Variants in FBXW5 observed in about 807,000 individuals in gnomAD.
FBXW5 encodes the protein F-box/WD repeat-containing protein 5.
A neutral mutation model predicts 50.9 loss-of-function variants in FBXW5; 74 were observed. The observed-to-expected ratio is 1.45, with a 90% CI of 1.20 to 1.76. The LOEUF (loss-of-function observed/expected upper bound fraction) is 1.76. FBXW5 is among the 40% of genes most tolerant of loss of function. FBXW5 has a pLI of 0.00. For synonymous variants in FBXW5, 523 were observed against 362.2 expected, an observed-to-expected ratio of 1.44 and a Z score of -5.04; for missense variants, 1,073 against 818.8, an observed-to-expected ratio of 1.31 and a Z score of -3.79.
In FBXW5 at chr9:136,940,917, C is replaced by T. The variant is rs1360287331; in HGVS notation, c.*11G>A. 6.3e-7 allele frequency: 1 copy of T among 1,577,050 alleles called. No individual in the cohort carries two copies. Among genetic ancestry groups the T allele is most frequent in the Admixed American group, 1.8e-5 (1 of 56,722 alleles). The stretch of plus-strand genomic sequence containing the variant: ...AAGGGGTCCCGGTGGCTCCAGTGCA[C>T]CCAGCACACCTCAGCGCCTCTGGCT... On this transcript the variant is annotated 3_prime_UTR_variant, in exon 9 of 9. Coordinates refer to ENST00000325285, the MANE Select transcript of FBXW5 (RefSeq NM_018998.4).
Position 136,942,599 on chromosome 9 carries a change from C to G in FBXW5, c.623G>C (p.Arg208Pro), listed in dbSNP as rs147650693. 3.7e-6 allele frequency: 6 copies of G among 1,610,920 alleles called. No individual in the cohort carries two copies. Among genetic ancestry groups the G allele is most frequent in the Non-Finnish European group, 5.1e-6 (6 of 1,179,218 alleles). Reference sequence around the variant, plus strand: ...CGAGCAGGAGGTGATATCTCCGATGCGGTGCAGGTTCCCCGAGATGAGGCT... The same window carrying G: ...CGAGCAGGAGGTGATATCTCCGATGGGGTGCAGGTTCCCCGAGATGAGGCT... ...ETSLISGNLH[R>P]IGDITSCSVL... Residue 208 changes from arginine to proline, a missense_variant, in exon 5 of 9, where the codon CGC becomes CCC. Transcript: ENST00000325285.
In FBXW5 at chr9:136,943,423, C is replaced by G; in HGVS notation, c.277G>C (p.Asp93His). 6.2e-7 allele frequency: 1 copy of G among 1,612,920 alleles called. No individual in the cohort carries two copies. The highest frequency in any genetic ancestry group is 8.5e-7 in the Non-Finnish European group (1 of 1,179,976). The change falls in exon 3 of 9, where the codon GAC becomes CAC. Residue 93 changes from aspartate to histidine, a missense_variant. Physicochemically the swap from Asp to His is moderately conservative, Grantham distance 81 (BLOSUM62 -1). Transcript: ENST00000325285. ...GAGAAGCTGAGGTGCAGGACCTGGT[C>G]TGTGTGTTCCCGCAGCGTCTGCACC... The part of the protein sequence containing the change: ...VEVQTLREHT[D>H]QVLHLSFSHS...
chr9:136,942,730 G>C (rs749150527), intron 4 of FBXW5, 35 bp from the exon 5 acceptor site: 1 of 1,610,504 alleles, frequency 6.2e-7, no homozygotes, highest in Non-Finnish European at 8.5e-7. Context: ...GGCTGTCGGC[G>C]TGGGGCGGGG....
Position 136,943,243 on chromosome 9 carries a change from G to A in FBXW5, c.351+106C>T. Reference sequence around the variant, plus strand: ...GGGAGGCTGCTGTCACCTCTGGCCTGACCCACCCCCCCCCCCACCACCACC... The same window carrying A: ...GGGAGGCTGCTGTCACCTCTGGCCTAACCCACCCCCCCCCCCACCACCACC... On this transcript the variant is annotated intron_variant, in intron 3 of 8. Transcript: ENST00000325285. The A allele has an allele frequency of 1.7e-6, 2 of 1,176,300 alleles. 1 individual carries two copies. Among genetic ancestry groups the A allele is most frequent in the Non-Finnish European group, 2.4e-6 (2 of 845,830 alleles). The allele number at this position is 1,176,300 out of a possible 1,614,324, so 72.9% of individuals were successfully genotyped here.
At position 136,942,547 on chromosome 9, in the gene FBXW5, C is replaced by T. The variant is rs746302217; in HGVS notation, c.675G>A (p.Gln225=). The T allele has an allele frequency of 6.2e-7, 1 of 1,610,558 alleles. No homozygotes were observed. The highest frequency in any genetic ancestry group is 1.3e-5 in the African/African-American group (1 of 74,866). ...CSVLWLNNAF[Q]DVESENVNVV... is the part of the protein sequence containing the mutation. ...GCCCCGCCCCTAGCCCCGCACGCAC[C>T]TGGAAGGCATTGTTGAGCCACAGCA... Residue 225 remains glutamine (Q), a splice_region_variant and synonymous_variant, in exon 5 of 9, where the codon CAG becomes CAA. Coordinates refer to ENST00000325285, the MANE Select transcript of FBXW5 (RefSeq NM_018998.4).
chr9:136,944,506 G>T (rs1434352503), intron 1 of FBXW5, 88 bp downstream of exon 1: 3 of 984,502 alleles, frequency 3.0e-6, no homozygotes, highest in Middle Eastern at 5.2e-4. Context: ...GCGGGGACGA[G>T]CGCACGGGCG....
intron 1 of FBXW5, 22 bp downstream of exon 1, chr9:136,944,572 C>G (rs895121969): frequency 4.6e-5 from 45 of 983,760 alleles, no homozygotes; most frequent in Non-Finnish European, 5.3e-5. Flanking sequence ...GCGGGACCCC[C>G]GAGGGCCGCA....
rs369228478 is a variant in FBXW5, at chr9:136,942,283, C to T, written c.859G>A (p.Glu287Lys). Residue 287 changes from glutamate to lysine, a missense_variant, in exon 6 of 9, where the codon GAG (glutamate) becomes AAG (lysine). By Grantham distance (56) the Glu-to-Lys change is moderately conservative. Transcript: ENST00000325285. ...GGGGCCGGGCCAGCCACCACCTCCT[C>T]GTTGTCGCTGCCCAGGTCAAAGATG... ...CRIFDLGSDN[E>K]EVVAGPAPAH... The T allele has an allele frequency of 1.7e-5, 27 of 1,586,352 alleles. No individual in the cohort carries two copies. The African/African-American group carries it at 2.0e-4, about 12-fold the overall frequency.
chr9:136,940,864 A>G lies in FBXW5; in HGVS notation c.*64T>C. The G allele has an allele frequency of 3.9e-6, 6 of 1,528,772 alleles. No homozygotes were observed. Among genetic ancestry groups the G allele is most frequent in the Non-Finnish European group, 5.3e-6 (6 of 1,139,334 alleles). 94.7% of individuals were successfully genotyped at this position (1,528,772 alleles called of 1,614,324 possible). ...GCATCTCCACCTCTCCCGCTCGGGA[A>G]AAAGCCACAGAGCCTGGCGATGTCC... On this transcript the variant is annotated 3_prime_UTR_variant, in exon 9 of 9. Transcript: ENST00000325285.
rs370227114 is a variant in FBXW5, at chr9:136,941,239, C to T, written c.1457+12G>A. The T allele has an allele frequency of 9.4e-5, 151 of 1,601,986 alleles. 1 individual carries two copies. The East Asian group carries it at 9.6e-4, about 10-fold the overall frequency. On this transcript the variant is annotated intron_variant, in intron 8 of 8. Coordinates refer to ENST00000325285, the MANE Select transcript of FBXW5 (RefSeq NM_018998.4). ...TGCCCACACCCGCCCTGCACCACGC[C>T]GCGCCCTGCACCTGGCCACGAAGTC...
Position 136,942,594 on chromosome 9 carries a change from C to T in FBXW5, c.628G>A (p.Gly210Arg), listed in dbSNP as rs377379004. 4.0e-5 allele frequency: 65 copies of T among 1,611,258 alleles called. 1 individual carries two copies. Among genetic ancestry groups the T allele is most frequent in the African/African-American group, 4.0e-4 (30 of 74,988 alleles). ...SLISGNLHRI[G>R]DITSCSVLWL... ...AGCACCGAGCAGGAGGTGATATCTC[C>T]GATGCGGTGCAGGTTCCCCGAGATG... is the stretch of plus-strand genomic sequence containing the variant. The change falls in exon 5 of 9, where the codon GGA becomes AGA. Residue 210 changes from glycine (G) to arginine (R), a missense_variant. Coordinates refer to ENST00000325285, the MANE Select transcript of FBXW5 (RefSeq NM_018998.4).
rs763286137 is a variant in FBXW5 at position 136,942,327 on chromosome 9, G to A, written c.815C>T (p.Pro272Leu). The A allele has an allele frequency of 1.1e-5, 17 of 1,600,032 alleles. No individual in the cohort carries two copies. Among genetic ancestry groups the A allele is most frequent in the African/African-American group, 4.0e-5 (3 of 74,710 alleles). The change falls in exon 6 of 9, where the codon CCG becomes CTG. Residue 272 changes from proline (P) to leucine (L), a missense_variant. Transcript: ENST00000325285. ...SPDLLLEAGD[P>L]ATSPCRIFDL... ...AAAGATGCGGCAGGGGGACGTGGCC[G>A]GGTCACCGGCTTCCAGCAGCAGGTC... is the stretch of plus-strand genomic sequence containing the variant.
In FBXW5 at chr9:136,943,963, G is replaced by A; in HGVS notation, c.121C>T (p.Arg41Trp). 1 of 1,566,012 alleles carries A rather than the reference G, an allele frequency of 6.4e-7. No homozygotes were observed. The highest frequency in any genetic ancestry group is 8.6e-7 in the Non-Finnish European group (1 of 1,156,728). ...LVCRQWQAVS[R>W]DEFLWREQFY... ...TGCTCCCTCCACAGGAACTCGTCCC[G>A]CGACACGGCCTGCCATTGGCGGCAC... Residue 41 changes from arginine (R) to tryptophan (W), a missense_variant, in exon 2 of 9, where the codon CGG becomes TGG. Physicochemically the swap from Arg to Trp is moderately radical, Grantham distance 101. Transcript: ENST00000325285.
rs1391559510 is a variant in FBXW5 at position 136,944,639 on chromosome 9, G to A, written c.-69C>T. ...GCGCCGCCCCCGCCCTGCGCGACCC[G>A]GACCCGCTTCCGCTGCCGCAGCCGC... On this transcript the variant is annotated 5_prime_UTR_variant, in exon 1 of 9. Transcript: ENST00000325285. 2 of 984,890 alleles carry A rather than the reference G, an allele frequency of 2.0e-6. No homozygotes were observed. The highest frequency in any genetic ancestry group is 3.5e-5 in the African/African-American group (2 of 57,076). The allele number at this position is 984,890 out of a possible 1,614,324, so 61.0% of individuals were successfully genotyped here. A position where few individuals can be genotyped will look rare whatever the true frequency, so the allele number is the denominator to read the frequency against.
chr9:136,941,856 C>T (rs1408835402), intron 6 of FBXW5, 172 bp from the exon 7 acceptor site: 3 of 1,436,512 alleles, frequency 2.1e-6, no homozygotes, highest in Non-Finnish European at 2.7e-6. Flanking sequence ...GCTTGCTGGC[C>T]AGCGGCCCTG....
At position 136,942,733 on chromosome 9, in the gene FBXW5, G is replaced by T. The variant is rs778755224; in HGVS notation, c.526+36C>A. On this transcript the variant is annotated intron_variant, in intron 4 of 8. Coordinates refer to ENST00000325285, the MANE Select transcript of FBXW5 (RefSeq NM_018998.4). The stretch of plus-strand genomic sequence containing the variant: ...CGGGGCTGGACAGGCTGTCGGCGTG[G>T]GGCGGGGGCAGGGTCAACCCGCCGC... 5 of 1,611,548 alleles carry T rather than the reference G, an allele frequency of 3.1e-6. No homozygotes were observed. The Admixed American group carries it at 8.3e-5, about 27-fold the overall frequency.
In FBXW5 at chr9:136,940,744, C is replaced by G; in HGVS notation, c.*184G>C. On this transcript the variant is annotated 3_prime_UTR_variant, in exon 9 of 9. Transcript: ENST00000325285. ...GGCCTTGGGCTCCATCTGCACTGGC[C>G]ACCCCGTGCCAAGCATCACAGCTGC... The G allele has an allele frequency of 9.8e-7, 1 of 1,021,554 alleles. No homozygotes were observed. Among genetic ancestry groups the G allele is most frequent in the Non-Finnish European group, 1.4e-6 (1 of 721,300 alleles). The allele number at this position is 1,021,554 out of a possible 1,614,324, so 63.3% of individuals were successfully genotyped here.
chr9:136,944,235 G>GGGCACCGCCGCCCA, intron 1 of FBXW5, 129 bp from the exon 2 acceptor site: 1 of 1,100,356 alleles, frequency 9.1e-7, no homozygotes, highest in Non-Finnish European at 1.2e-6. Context: ...GGGGACGCCC[G>GGGCACCGCCGCCCA]GGTACCGCCG....
In FBXW5 at chr9:136,944,039, G is replaced by A. The variant is rs1850929343; in HGVS notation, c.45C>T (p.Tyr15=). The A allele has an allele frequency of 5.0e-6, 8 of 1,604,786 alleles. No homozygotes were observed. The highest frequency in any genetic ancestry group is 2.3e-5 in the East Asian group (1 of 44,408). Residue 15 remains tyrosine, a synonymous_variant, in exon 2 of 9, where the codon TAC becomes TAT. Coordinates refer to ENST00000325285, the MANE Select transcript of FBXW5 (RefSeq NM_018998.4). ...CCGGGCCCAGGCTCAGGAAGATCTG[G>A]TAGACCAGGCTGTCGGGGAGCAGGG... ...GTPLLPDSLV[Y]QIFLSLGPAD...
Sources: gnomAD v4.1 joint callset for allele counts on GRCh38, gnomAD v4.1.1 for gene constraint, MANE v1.5 for transcripts, NCBI Gene and HGNC (gene_info 2026-07-23, HGNC 2026-07-21) for gene names.